The following GAD1 variants were observed in gnomAD, a reference collection of about 807,000 sequenced individuals.
The protein encoded by GAD1 is 67 kDa glutamic acid decarboxylase.
GAD1 carries 35 observed loss-of-function variants against 75.2 expected under a neutral mutation model. The observed-to-expected ratio is 0.47, with a 90% CI of 0.36 to 0.62. The LOEUF (loss-of-function observed/expected upper bound fraction) is 0.62, where lower values mean the gene tolerates loss of function less well. Ranked by LOEUF, GAD1 falls within the 20% of genes least tolerant of loss-of-function variation. GAD1 has a pLI of 0.00. For synonymous variants in GAD1, 257 were observed against 271.9 expected (o/e 0.95, Z 0.54); for missense variants, 490 against 758.5 (o/e 0.65, Z 4.16).
Position 170,853,820 on chromosome 2 carries a change from C to T in GAD1, c.1264-53C>T, listed in dbSNP as rs1209859872. The T allele has an allele frequency of 2.5e-6, 4 of 1,594,976 alleles. No individual in the cohort carries two copies. In the African/African-American group the frequency reaches 4.0e-5, roughly 16 times the overall value. The stretch of plus-strand genomic sequence containing the variant: ...TCCAAGCAGCCTAGTTTTAAAGCCA[C>T]CCACATCTCTGATGTGTAAATGCAG... On this transcript the variant is annotated intron_variant, in intron 13 of 16. Coordinates refer to ENST00000358196, the MANE Select transcript of GAD1 (RefSeq NM_000817.3). The surrounding 1 kb of genome is among the most constrained non-coding windows in gnomAD (Gnocchi z 4.1).
intron 3 of GAD1, among the ~76,000 whole-genome samples, chr2:170,826,358 G>A (rs1489929896): frequency 6.6e-6 from 1 of 152,022 alleles, no homozygotes; most frequent in East Asian, 1.9e-4. Flanking sequence ...CCTGAGGTCA[G>A]GAGTTTGAGA....
chr2:170,825,607 G>A (rs780788015), intron 3 of GAD1, among the ~76,000 whole-genome samples: 16 of 152,294 alleles, frequency 1.1e-4, no homozygotes, highest in African/African-American at 1.2e-4. Context: ...GCACATGCAC[G>A]CACACATACA....
chr2:170,844,425 T>TC (rs1330234024), intron 7 of GAD1, among the ~76,000 whole-genome samples: 3 of 149,456 alleles, frequency 2.0e-5, no homozygotes, highest in African/African-American at 7.4e-5. Context: ...TTTTTTTTTT[T>TC]TGAGACAGGG....
At chr2:170,858,979 G>T in intron 16 of GAD1, 86 bp downstream of exon 16, 1 of 1,185,222 alleles carries the variant, frequency 8.4e-7, no homozygotes. Flanking sequence ...CCTTTCTAGT[G>T]GGGGAAATAT....
chr2:170,819,058 C>T (rs1250584727), intron 2 of GAD1, among the ~76,000 whole-genome samples: 1 of 152,140 alleles, frequency 6.6e-6, no homozygotes, highest in African/African-American at 2.4e-5. Context: ...AGTTTTCAGT[C>T]CCCGGCTTTC....
chr2:170,822,441 CCG>C (rs1701912694), intron 3 of GAD1, among the ~76,000 whole-genome samples: 1 of 152,240 alleles, frequency 6.6e-6, no homozygotes, highest in South Asian at 2.1e-4. Context: ...GAAAGCGCCC[CCG>C]CGCGGCAACC....
chr2:170,858,976 A>T, intron 16 of GAD1, 83 bp downstream of exon 16: 1 of 1,202,322 alleles, frequency 8.3e-7, no homozygotes, highest in Non-Finnish European at 1.2e-6. Flanking sequence ...GTGCCTTTCT[A>T]GTGGGGGAAA....
chr2:170,855,209 C>CTTTTTT (rs536241751), intron 14 of GAD1, among the ~76,000 whole-genome samples: 2 of 129,282 alleles, frequency 1.5e-5, no homozygotes, highest in African/African-American at 2.8e-5. Flanking sequence ...GTCATTTTGT[C>CTTTTTT]TTTTTTTTTT....
At chr2:170,819,450 AAG>A (rs1433757086) in intron 2 of GAD1, among the ~76,000 whole-genome samples, 2 of 152,080 alleles carry the variant, frequency 1.3e-5, no homozygotes, top group Non-Finnish European at 2.9e-5. Flanking sequence ...ATGTCCCGAA[AAG>A]AGAGAAAGAA....
chr2:170,829,427 G>T (rs1313987890), intron 3 of GAD1, 48 bp from the exon 4 acceptor site: 2 of 1,606,740 alleles, frequency 1.2e-6, no homozygotes, highest in Non-Finnish European at 1.7e-6. Flanking sequence ...GACCCTCAGG[G>T]GCTGGGCAGT....
chr2:170,832,662 GCGCACACACACACACA>G (rs1180855643), intron 5 of GAD1, among the ~76,000 whole-genome samples: 5 of 128,458 alleles, frequency 3.9e-5, no homozygotes, highest in African/African-American at 1.3e-4. Flanking sequence ...GCGCGCGCGC[GCGCACACACACACACA>G]CACACACACA....
At chr2:170,837,381 T>C (rs192525643) in intron 6 of GAD1, among the ~76,000 whole-genome samples, 29 of 152,378 alleles carry the variant, frequency 1.9e-4, no homozygotes, top group African/African-American at 5.3e-4. Context: ...AAATAAGTGA[T>C]TGTTTTTCTA....
rs760907667 is a variant in GAD1, at chr2:170,859,908, T to C, written c.*26T>C. The C allele has an allele frequency of 1.2e-6, 2 of 1,610,834 alleles. No individual in the cohort carries two copies. Among genetic ancestry groups the C allele is most frequent in the South Asian group, 2.2e-5 (2 of 90,446 alleles). On this transcript the variant is annotated 3_prime_UTR_variant, in exon 17 of 17. Transcript: ENST00000358196. ...TCATCCTTCGCAGAACATGAGTTTA[T>C]GGGAATGCCTTTTCCCTCTGGCACT...
chr2:170,821,914 AGTATATGCC>A, intron 2 of GAD1, 164 bp from the exon 3 acceptor site: 1 of 652,512 alleles, frequency 1.5e-6, no homozygotes, highest in South Asian at 1.7e-5. Flanking sequence ...GGGGGCTTAG[AGTATATGCC>A]TGTCGGCTCA....
intron 2 of GAD1, among the ~76,000 whole-genome samples, chr2:170,820,089 C>T (rs1482182726): frequency 6.6e-6 from 1 of 152,162 alleles, no homozygotes; most frequent in Non-Finnish European, 1.5e-5. Flanking sequence ...GCGAGGCCTG[C>T]GCGCCTTTGT....
intron 3 of GAD1, among the ~76,000 whole-genome samples, chr2:170,828,250 TCTCTCTGCTGTCCTCACCCCTCCC>T: frequency 9.4e-6 from 1 of 106,300 alleles, no homozygotes; most frequent in Non-Finnish European, 1.8e-5. Flanking sequence ...TCACCCCTCC[TCTCTCTGCTGTCCTCACCCCTCCC>T]CTTCCCTCTG....
chr2:170,860,355 T>A lies in GAD1; in HGVS notation c.*473T>A, dbSNP rs544326208. ...AGCGTTTCTCCACCTGAAGTGATGA[T>A]GGATGAGAAAAAACACCACCAAATG... On this transcript the variant is annotated 3_prime_UTR_variant, in exon 17 of 17. Coordinates refer to ENST00000358196, the MANE Select transcript of GAD1 (RefSeq NM_000817.3). 1 of 167,302 alleles carries A rather than the reference T, an allele frequency of 6.0e-6. No homozygotes were observed. The highest frequency in any genetic ancestry group is 1.3e-5 in the Non-Finnish European group (1 of 76,114). 10.4% of individuals were successfully genotyped at this position (167,302 alleles called of 1,614,324 possible).
At chr2:170,815,425 C>T (rs769161971), upstream of GAD1, among the ~76,000 whole-genome samples, 2 of 152,216 alleles carry the variant, frequency 1.3e-5, no homozygotes, top group African/African-American at 4.8e-5. Context: ...CGAGATCCCT[C>T]TTGCTGATCA....
upstream of GAD1, chr2:170,816,070 G>GA (rs1335684722): frequency 1.3e-5 from 2 of 152,146 alleles, no homozygotes; most frequent in East Asian, 1.9e-4. Flanking sequence ...GCCCCTTCCG[G>GA]GCACCTCTGT....
Sources: allele counts gnomAD v4.1 joint callset (sites outside exome capture counted in the v4.1 genomes callset), GRCh38; gene constraint gnomAD v4.1.1; non-coding constraint Gnocchi (gnomAD v3.1); transcripts MANE v1.5; gene names NCBI Gene and HGNC (gene_info 2026-07-23, HGNC 2026-07-21).